PTPRS: variants seen among roughly 807,000 people sequenced by gnomAD.
PTPRS encodes the protein receptor-type tyrosine-protein phosphatase S.
PTPRS carries 63 observed loss-of-function variants against 215.3 expected under a neutral mutation model. The ratio of observed to expected loss-of-function variants is 0.29; its 90% confidence interval spans 0.24 to 0.36. The LOEUF (loss-of-function observed/expected upper bound fraction) is 0.36. PTPRS is among the 10% of genes least tolerant of loss of function. The probability of loss-of-function intolerance (pLI) is 1.00; values close to 1 mark genes in which losing one functional copy is unlikely to be tolerated. For missense variants in PTPRS, 2,258 were observed against 2,825.8 expected (o/e 0.80, Z 4.56); for synonymous variants, 1,404 against 1,191.4 (o/e 1.18, Z -3.68).
chr19:5,218,027 G>T (rs2145239732), intron 25 of PTPRS, among the ~76,000 whole-genome samples: 1 of 152,162 alleles, frequency 6.6e-6, no homozygotes, highest in Admixed American at 6.5e-5. Flanking sequence ...TGTGGAAAAT[G>T]GCTGAGGGCA....
chr19:5,211,944 C>T (rs1476685100), intron 32 of PTPRS, 21 bp downstream of exon 32: 5 of 1,566,414 alleles, frequency 3.2e-6, no homozygotes, highest in Admixed American at 3.6e-5. Context: ...CCGCCCACAG[C>T]AGCCTCCACC....
At position 5,269,163 on chromosome 19, in the gene PTPRS, C is replaced by T. The variant is rs557015801; in HGVS notation, c.380-3967G>A. 3.9e-5 allele frequency among the ~76,000 whole-genome samples: 6 copies of T among 152,108 alleles called. No homozygotes were observed. In the South Asian group the frequency reaches 8.3e-4, roughly 21 times the overall value. On this transcript the variant is annotated intron_variant, in intron 4 of 37. Transcript: ENST00000262963. ...CATTCATGCGTGGGTACATGTGTGC[C>T]GCATGTATGTGCTCACGCTTGCCCG...
chr19:5,305,134 T>C (rs1483338634), intron 1 of PTPRS, among the ~76,000 whole-genome samples: 2 of 152,150 alleles, frequency 1.3e-5, no homozygotes, highest in African/African-American at 4.8e-5. Flanking sequence ...ATCAAGCACT[T>C]AGCAGGAGCA....
intron 17 of PTPRS, 132 bp downstream of exon 17, chr19:5,225,594 CT>C: frequency 2.5e-6 from 2 of 809,720 alleles, no homozygotes. Context: ...GCCCTCACAC[CT>C]TTGTCTCACT....
At chr19:5,255,771 G>C (rs1055319195) in intron 9 of PTPRS, among the ~76,000 whole-genome samples, 2 of 152,192 alleles carry the variant, frequency 1.3e-5, no homozygotes, top group South Asian at 2.1e-4. Flanking sequence ...ACGACGAGGA[G>C]TGCAAAAAAC....
intron 4 of PTPRS, chr19:5,273,103 C>T (rs1267497159): frequency 6.4e-6 from 2 of 311,686 alleles, no homozygotes; most frequent in South Asian, 3.5e-5. Context: ...GAACCTGAAG[C>T]CAGCCACTCC....
intron 1 of PTPRS, among the ~76,000 whole-genome samples, chr19:5,303,887 G>A (rs974670451): frequency 7.2e-6 from 1 of 139,222 alleles, no homozygotes; most frequent in Admixed American, 8.1e-5. Context: ...GGATACGGAG[G>A]TTACTGTGAG....
intron 20 of PTPRS, 125 bp downstream of exon 20, chr19:5,220,875 G>A: frequency 1.8e-6 from 2 of 1,140,610 alleles, no homozygotes; most frequent in Non-Finnish European, 2.5e-6. Context: ...CCATGAACTA[G>A]GGCTGATAGG....
At chr19:5,214,133 T>C (rs77028067) in intron 30 of PTPRS, among the ~76,000 whole-genome samples, 2,244 of 152,332 alleles carry the variant, frequency 0.015, 64 homozygotes, top group African/African-American at 0.051. Flanking sequence ...TGAGTTGGGC[T>C]CTGCCGGCTT....
At chr19:5,327,072 G>A (rs62115124) in intron 1 of PTPRS, among the ~76,000 whole-genome samples, 6,673 of 152,214 alleles carry the variant, frequency 0.044, 183 homozygotes, top group Admixed American at 0.069. Context: ...AGCCCCGCTC[G>A]CACTCCCAGC....
intron 7 of PTPRS, among the ~76,000 whole-genome samples, chr19:5,259,447 C>T (rs1014344162): frequency 1.3e-5 from 2 of 152,084 alleles, no homozygotes; most frequent in Non-Finnish European, 2.9e-5. Flanking sequence ...GAAACAAGTC[C>T]CTCATTTTCA....
Position 5,293,830 on chromosome 19 carries a change from A to G in PTPRS, c.-94-7596T>C. Among the ~76,000 whole-genome samples, 1 of 151,936 alleles carries G rather than the reference A, an allele frequency of 6.6e-6. No homozygotes were observed. The highest frequency in any genetic ancestry group is 2.0e-4 in the East Asian group (1 of 5,106). On this transcript the variant is annotated intron_variant, in intron 1 of 37. Transcript: ENST00000262963. This position sits in a 1 kb window ranked among gnomAD's most constrained non-coding sequence, Gnocchi z 8.4. ...GGGGGACACCGTGGCAGAGGCCCCC[A>G]CCCTCGCCACAAGCCTGAGGAGGGG...
intron 1 of PTPRS, among the ~76,000 whole-genome samples, chr19:5,316,355 C>T (rs1046832454): frequency 6.6e-6 from 1 of 152,196 alleles, no homozygotes; most frequent in Non-Finnish European, 1.5e-5. Context: ...CTCCTGAATG[C>T]CTCTTGCCCC....
At chr19:5,217,358 A>C (rs1483709456) in intron 25 of PTPRS, among the ~76,000 whole-genome samples, 1 of 152,170 alleles carries the variant, frequency 6.6e-6, no homozygotes, top group African/African-American at 2.4e-5. Flanking sequence ...TAAAATTCTC[A>C]TTTGGCTGAA....
intron 2 of PTPRS, among the ~76,000 whole-genome samples, chr19:5,280,394 T>C: frequency 6.6e-6 from 1 of 152,138 alleles, no homozygotes; most frequent in East Asian, 1.9e-4. Flanking sequence ...GATATGACCG[T>C]ATGTGTGTGC....
Position 5,219,799 on chromosome 19 carries a change from G to A in PTPRS, c.3765+140C>T, listed in dbSNP as rs548655152. Reference sequence around the variant, plus strand: ...GAAACCTTCGTTTCAGGATCCCTCCGCTCCCAAGTCTTCCCCTCTGCCCAG... The same window carrying A: ...GAAACCTTCGTTTCAGGATCCCTCCACTCCCAAGTCTTCCCCTCTGCCCAG... On this transcript the variant is annotated intron_variant, in intron 22 of 37. Coordinates refer to ENST00000262963, the MANE Select transcript of PTPRS (RefSeq NM_002850.4). 105 of 1,014,532 alleles carry A rather than the reference G, an allele frequency of 1.0e-4. No homozygotes were observed. In the East Asian group the frequency reaches 1.9e-3, roughly 18 times the overall value. The allele number at this position is 1,014,532 out of a possible 1,614,324, so 62.8% of individuals were successfully genotyped here.
At chr19:5,238,512 G>T (rs376358110) in intron 13 of PTPRS, among the ~76,000 whole-genome samples, 2 of 152,170 alleles carry the variant, frequency 1.3e-5, no homozygotes, top group Non-Finnish European at 1.5e-5. Context: ...GGTGCGAGCC[G>T]TGACCACAGC....
chr19:5,331,924 TGGTGCCTCTAAAGAACCGCAGA>T (rs1325535681), intron 1 of PTPRS, among the ~76,000 whole-genome samples: 2 of 152,218 alleles, frequency 1.3e-5, no homozygotes, highest in Non-Finnish European at 2.9e-5. Context: ...GCTATCACAC[TGGTGCCTCTAAAGAACCGCAGA>T]GGTGGCTGGG....
chr19:5,256,240 GTT>G (rs59925916), intron 8 of PTPRS, 121 bp from the exon 9 acceptor site: 2 of 548,154 alleles, frequency 3.6e-6, no homozygotes, highest in African/African-American at 2.1e-5. Flanking sequence ...ATAGTTTGTT[GTT>G]TTTTTTTTCT....
Sources: gnomAD v4.1 joint callset for allele counts (sites outside exome capture counted in the v4.1 genomes callset) on GRCh38, gnomAD v4.1.1 for gene constraint, Gnocchi (gnomAD v3.1) non-coding constraint, MANE v1.5 for transcripts, NCBI Gene and HGNC (gene_info 2026-07-23, HGNC 2026-07-21) for gene names.